Variants in EEIG2 observed in about 807,000 individuals in gnomAD.
EEIG2 encodes the protein EEIG family member 2.
the EEIG2 span, chr1:108,628,710 G>A: frequency 6.2e-7 from 1 of 1,612,974 alleles, no homozygotes; most frequent in Non-Finnish European, 8.5e-7. Flanking sequence ...TAGAATCTCA[G>A]CTGAAGCGAG....
the EEIG2 span, among the ~76,000 whole-genome samples, chr1:108,630,489 T>C: frequency 6.6e-6 from 1 of 152,208 alleles, no homozygotes; most frequent in African/African-American, 2.4e-5. Context: ...GACGAGTTAA[T>C]GGGTGCAGCA....
chr1:108,572,559 G>T, the EEIG2 span, among the ~76,000 whole-genome samples: 1 of 151,916 alleles, frequency 6.6e-6, no homozygotes, highest in South Asian at 2.1e-4. Context: ...AAAATCTTGT[G>T]TGTTCCACCT....
chr1:108,636,338 C>CT, the EEIG2 span: 1 of 152,140 alleles, frequency 6.6e-6, no homozygotes, highest in African/African-American at 2.4e-5. Context: ...CTTGGAATCA[C>CT]TATTAGTGAA....
chr1:108,572,411 T>C, the EEIG2 span, among the ~76,000 whole-genome samples: 1 of 152,058 alleles, frequency 6.6e-6, no homozygotes, highest in South Asian at 2.1e-4. Flanking sequence ...AGAACCTACA[T>C]TGACACATCA....
At chr1:108,614,143 C>A in the EEIG2 span, among the ~76,000 whole-genome samples, 1 of 141,178 alleles carries the variant, frequency 7.1e-6, no homozygotes, top group Admixed American at 7.5e-5. Context: ...GCTTAAATTT[C>A]ATGGGTCCAT....
chr1:108,569,538 C>G, the EEIG2 span, among the ~76,000 whole-genome samples: 1 of 152,162 alleles, frequency 6.6e-6, no homozygotes, highest in African/African-American at 2.4e-5. Flanking sequence ...GTTGCCCAGG[C>G]TGGTCTCAAA....
chr1:108,573,214 C>A, the EEIG2 span, among the ~76,000 whole-genome samples: 1 of 152,172 alleles, frequency 6.6e-6, no homozygotes, highest in East Asian at 1.9e-4. Flanking sequence ...TATTAGGATT[C>A]TACTTTGCAA....
the EEIG2 span, among the ~76,000 whole-genome samples, chr1:108,613,021 G>A: frequency 6.6e-6 from 1 of 152,140 alleles, no homozygotes; most frequent in African/African-American, 2.4e-5. Flanking sequence ...CAAATCTTAA[G>A]CTCTGAACAT....
At chr1:108,606,187 A>G in the EEIG2 span, 7 of 1,361,578 alleles carry the variant, frequency 5.1e-6, no homozygotes, top group Non-Finnish European at 6.0e-6. Context: ...ATCTTTCATT[A>G]TGTGATATCC....
the EEIG2 span, among the ~76,000 whole-genome samples, chr1:108,583,545 A>C: frequency 6.6e-6 from 1 of 151,912 alleles, no homozygotes; most frequent in African/African-American, 2.4e-5. Flanking sequence ...ATATTCTTTA[A>C]TGGATGGAGT....
the EEIG2 span, chr1:108,600,426 T>TC: frequency 1.1e-6 from 1 of 890,764 alleles, no homozygotes; most frequent in South Asian, 2.7e-5. Flanking sequence ...GGAATTTGCT[T>TC]CCTTCCTGCT....
the EEIG2 span, among the ~76,000 whole-genome samples, chr1:108,631,547 T>TA: frequency 6.6e-6 from 1 of 152,060 alleles, no homozygotes; most frequent in Non-Finnish European, 1.5e-5. Context: ...TTTGGGAGAA[T>TA]AAAAAATAAG....
At chr1:108,618,137 T>C in the EEIG2 span, among the ~76,000 whole-genome samples, 2 of 152,136 alleles carry the variant, frequency 1.3e-5, no homozygotes, top group Non-Finnish European at 2.9e-5. Context: ...ATATAACATA[T>C]TTGAGTACCA....
chr1:108,618,465 T>C, the EEIG2 span, among the ~76,000 whole-genome samples: 3 of 152,148 alleles, frequency 2.0e-5, no homozygotes, highest in Admixed American at 6.5e-5. Context: ...GTCAGCAGCC[T>C]TGAGGACACT....
chr1:108,601,319 C>CA, the EEIG2 span, among the ~76,000 whole-genome samples: 1 of 151,204 alleles, frequency 6.6e-6, no homozygotes, highest in Non-Finnish European at 1.5e-5. Context: ...TTTTACTTAC[C>CA]AAAATAATAC....
the EEIG2 span, among the ~76,000 whole-genome samples, chr1:108,593,676 A>T: frequency 6.6e-6 from 1 of 152,234 alleles, no homozygotes; most frequent in Non-Finnish European, 1.5e-5. Context: ...AAGTACCATG[A>T]TAAACAGATG....
At chr1:108,626,970 G>A in the EEIG2 span, 1 of 152,046 alleles carries the variant, frequency 6.6e-6, no homozygotes, top group African/African-American at 2.4e-5. Flanking sequence ...TTGTATTTTT[G>A]TACTTACCAC....
At chr1:108,575,323 A>T in the EEIG2 span, among the ~76,000 whole-genome samples, 1 of 152,214 alleles carries the variant, frequency 6.6e-6, no homozygotes, top group Non-Finnish European at 1.5e-5. Flanking sequence ...AACTCTTCTA[A>T]GGAGTCTTCC....
the EEIG2 span, among the ~76,000 whole-genome samples, chr1:108,609,561 G>A: frequency 6.6e-6 from 1 of 152,154 alleles, no homozygotes; most frequent in African/African-American, 2.4e-5. Context: ...CCGAGAGACA[G>A]CATTTCCCGC....
Sources: gnomAD v4.1 joint callset for allele counts (sites outside exome capture counted in the v4.1 genomes callset) on GRCh38, gnomAD v4.1.1 for gene constraint, MANE v1.5 for transcripts, NCBI Gene and HGNC (gene_info 2026-07-23, HGNC 2026-07-21) for gene names.